POLQ: variants seen among roughly 807,000 people sequenced by gnomAD.
The protein encoded by POLQ is epididymis secretory sperm binding protein.
POLQ carries 233 observed loss-of-function variants against 259.2 expected under a neutral mutation model. The ratio of observed to expected loss-of-function variants is 0.90; its 90% confidence interval spans 0.81 to 1.00. The LOEUF (loss-of-function observed/expected upper bound fraction) is 1.00, where lower values mean the gene tolerates loss of function less well. Among genes scored for constraint, POLQ ranks in the 50% least tolerant of loss-of-function variants. The probability of loss-of-function intolerance (pLI) is 0.00; values close to 1 mark genes in which losing one functional copy is unlikely to be tolerated. For missense variants in POLQ, 2,871 were observed against 3,051.6 expected, an observed-to-expected ratio of 0.94 and a Z score of 1.39; for synonymous variants, 1,025 against 1,048.8, an observed-to-expected ratio of 0.98 and a Z score of 0.44.
chr3:121,459,544 G>C (rs1371212044), intron 25 of POLQ, among the ~76,000 whole-genome samples: 1 of 151,974 alleles, frequency 6.6e-6, no homozygotes, highest in Non-Finnish European at 1.5e-5. Context: ...ACCACGGCCA[G>C]CTAAGTTTTT....
chr3:121,461,066 T>TA (rs1251171250), intron 24 of POLQ, among the ~76,000 whole-genome samples: 1 of 151,976 alleles, frequency 6.6e-6, no homozygotes, highest in Non-Finnish European at 1.5e-5. Context: ...ATAAGAGAAA[T>TA]AAAAAATCTA....
chr3:121,488,618 G>A lies in POLQ; in HGVS notation c.4313C>T (p.Thr1438Ile). The change falls in exon 16 of 30, where the codon ACT (threonine) becomes ATT (isoleucine). Residue 1438 changes from threonine (T) to isoleucine (I), a missense_variant. Thr to Ile is a moderately conservative substitution (Grantham distance 89). This residue lies in a region of POLQ where 2,080 missense variants were observed against 2,126.0 expected (regional missense o/e 0.98). Coordinates refer to ENST00000264233, the MANE Select transcript of POLQ (RefSeq NM_199420.4). ...LFLKKNEVSVTDSQLNSFLQG... is the reference protein window; with the variant it reads ...LFLKKNEVSVIDSQLNSFLQG... ...AAGAAAACTATTTAATTGTGAATCAGTAACAGAAACTTCATTCTTTTTTAA... is the reference window on the plus strand; with the variant it reads ...AAGAAAACTATTTAATTGTGAATCAATAACAGAAACTTCATTCTTTTTTAA... 1 of 1,604,186 alleles carries A rather than the reference G, an allele frequency of 6.2e-7. No homozygotes were observed. The highest frequency in any genetic ancestry group is 8.5e-7 in the Non-Finnish European group (1 of 1,176,884).
intron 7 of POLQ, among the ~76,000 whole-genome samples, chr3:121,528,532 G>A (rs750414452): frequency 1.1e-4 from 16 of 151,898 alleles, no homozygotes; most frequent in South Asian, 1.0e-3. Context: ...TAGTACAAAC[G>A]GGGTTTCACT....
At chr3:121,468,228 A>C in intron 23 of POLQ, 77 bp downstream of exon 23, 1 of 1,165,646 alleles carries the variant, frequency 8.6e-7, no homozygotes, top group Admixed American at 2.4e-5. Context: ...AATTTCATTT[A>C]TTTGTCTAAT....
chr3:121,509,324 A>G (rs575878957), intron 12 of POLQ, among the ~76,000 whole-genome samples: 10 of 152,190 alleles, frequency 6.6e-5, no homozygotes, highest in Non-Finnish European at 1.5e-4. Flanking sequence ...ATTTTTTATA[A>G]AACAACTCAA....
At chr3:121,494,180 C>G in intron 14 of POLQ, 2 of 1,143,320 alleles carry the variant, frequency 1.7e-6, no homozygotes, top group Non-Finnish European at 2.6e-6. Flanking sequence ...AAGCAGGAGG[C>G]TAAGAAAGTG....
chr3:121,481,484 A>C (rs2047969582), intron 19 of POLQ, 88 bp downstream of exon 19: 12 of 1,180,666 alleles, frequency 1.0e-5, no homozygotes, highest in Non-Finnish European at 1.4e-5. Flanking sequence ...GATTTGCATA[A>C]ATGTGTAATT....
At position 121,509,913 on chromosome 3, in the gene POLQ, T is replaced by C. The variant is rs72970001; in HGVS notation, c.1816+126A>G. On this transcript the variant is annotated intron_variant, in intron 11 of 29. Transcript: ENST00000264233. ...TACTGATTTACTAAAAATGAGTTGATACACTGCTCAAAAAATCAAATTCCT... is the reference window on the plus strand; with the variant it reads ...TACTGATTTACTAAAAATGAGTTGACACACTGCTCAAAAAATCAAATTCCT... 17 of 887,910 alleles carry C rather than the reference T, an allele frequency of 1.9e-5. No homozygotes were observed. The African/African-American group carries it at 2.7e-4, about 14-fold the overall frequency. 55.0% of individuals were successfully genotyped at this position (887,910 alleles called of 1,614,324 possible).
At chr3:121,506,290 C>CAAAAACA (rs951214265) in intron 12 of POLQ, among the ~76,000 whole-genome samples, 2 of 151,302 alleles carry the variant, frequency 1.3e-5, no homozygotes, top group African/African-American at 4.9e-5. Flanking sequence ...AAAACAAAAA[C>CAAAAACA]AAAAACAAAA....
At chr3:121,497,490 G>A (rs1304081334) in intron 13 of POLQ, among the ~76,000 whole-genome samples, 1 of 151,982 alleles carries the variant, frequency 6.6e-6, no homozygotes, top group Non-Finnish European at 1.5e-5. Context: ...AGGCTGGAGT[G>A]CAGTGGCGCA....
chr3:121,538,063 A>G (rs1222604792), intron 4 of POLQ, among the ~76,000 whole-genome samples: 1 of 152,218 alleles, frequency 6.6e-6, no homozygotes, highest in Non-Finnish European at 1.5e-5. Flanking sequence ...TAAATTGGCA[A>G]CTTCACCGAA....
Position 121,473,429 on chromosome 3 carries a change from T to C in POLQ, c.6464A>G (p.Lys2155Arg). The change falls in exon 21 of 30, where the codon AAG (lysine) becomes AGG (arginine). Residue 2155 changes from lysine to arginine, a missense_variant. By Grantham distance (26) the Lys-to-Arg change is conservative. Coordinates refer to ENST00000264233, the MANE Select transcript of POLQ (RefSeq NM_199420.4). ...PNREMKNQGSKKTLGSTRRGI... is the reference protein window; with the variant it reads ...PNREMKNQGSRKTLGSTRRGI... ...TCTTCTGGTAGAACCCAGAGTTTTC[T>C]TGCTGCCTTGGTTTTTCATCTCTCT... The C allele has an allele frequency of 6.2e-7, 1 of 1,614,030 alleles. No individual in the cohort carries two copies. Among genetic ancestry groups the C allele is most frequent in the Non-Finnish European group, 8.5e-7 (1 of 1,179,898 alleles).
In POLQ at chr3:121,440,041, C is replaced by T. The variant is rs760099812; in HGVS notation, c.7340G>A (p.Arg2447His). The part of the protein sequence containing the change: ...DGFVQTILGR[R>H]RYLPGIKDNN... ...GTCTTTGATTCCTGGCAAATATCTA[C>T]GCCTTCCCAAAATGGTCTGAACAAA... Residue 2447 changes from arginine to histidine, a missense_variant, in exon 27 of 30, where the codon CGT (arginine) becomes CAT (histidine). Coordinates refer to ENST00000264233, the MANE Select transcript of POLQ (RefSeq NM_199420.4). The T allele has an allele frequency of 7.7e-5, 124 of 1,612,838 alleles. No homozygotes were observed. Among genetic ancestry groups the T allele is most frequent in the African/African-American group, 1.2e-4 (9 of 75,028 alleles).
intron 9 of POLQ, among the ~76,000 whole-genome samples, chr3:121,513,541 G>C (rs1284518084): frequency 7.4e-6 from 1 of 134,388 alleles, no homozygotes; most frequent in Non-Finnish European, 1.5e-5. Context: ...GGCAGAGGTT[G>C]CAGTGAGCTG....
intron 9 of POLQ, among the ~76,000 whole-genome samples, chr3:121,513,430 C>T (rs1159646014): frequency 4.6e-5 from 7 of 151,280 alleles, no homozygotes; most frequent in African/African-American, 9.7e-5. Context: ...GGTGAAACCC[C>T]GCCTCTACTA....
chr3:121,435,426 A>T (rs1165845075), intron 28 of POLQ, among the ~76,000 whole-genome samples: 2 of 152,250 alleles, frequency 1.3e-5, no homozygotes, highest in Non-Finnish European at 2.9e-5. Context: ...ACTGAAGGTC[A>T]TAAATAGGAA....
At chr3:121,540,125 C>T (rs574966117) in intron 3 of POLQ, among the ~76,000 whole-genome samples, 9 of 151,606 alleles carry the variant, frequency 5.9e-5, no homozygotes, top group Non-Finnish European at 1.2e-4. Flanking sequence ...TTCATCATTT[C>T]GTTACTTTGG....
chr3:121,511,008 A>G (rs544064575), intron 10 of POLQ, among the ~76,000 whole-genome samples: 1 of 152,282 alleles, frequency 6.6e-6, no homozygotes, highest in Non-Finnish European at 1.5e-5. Flanking sequence ...CAGGCGGATC[A>G]CGAGGTCAGG....
At chr3:121,500,790 C>A (rs186093088) in intron 12 of POLQ, among the ~76,000 whole-genome samples, 19 of 152,056 alleles carry the variant, frequency 1.2e-4, no homozygotes, top group Admixed American at 1.1e-3. Context: ...AACATTAAAA[C>A]TGAAGAAAAA....
Sources: gnomAD v4.1 joint callset for allele counts (sites outside exome capture counted in the v4.1 genomes callset) on GRCh38, gnomAD v4.1.1 for gene constraint, gnomAD v4.1.1 regional missense constraint, MANE v1.5 for transcripts, NCBI Gene and HGNC (gene_info 2026-07-23, HGNC 2026-07-21) for gene names.